WSB2: variants seen among roughly 807,000 people sequenced by gnomAD.
The protein encoded by WSB2 is WD repeat and SOCS box containing 2, also known as WD repeat and SOCS box-containing protein 2.
In WSB2, 12 loss-of-function variants were observed where a neutral mutation model predicts 48.8. The observed-to-expected ratio is 0.25, with a 90% CI of 0.16 to 0.40. The LOEUF (loss-of-function observed/expected upper bound fraction) is 0.40, where lower values mean the gene tolerates loss of function less well. WSB2 is among the 10% of genes least tolerant of loss of function. WSB2 has a pLI of 1.00. For synonymous variants in WSB2, 191 were observed against 203.1 expected (o/e 0.94, Z 0.51); for missense variants, 317 against 506.2 (o/e 0.63, Z 3.59).
intron 2 of WSB2, among the ~76,000 whole-genome samples, chr12:118,048,217 C>T (rs1248886477): frequency 6.6e-6 from 1 of 152,042 alleles, no homozygotes; most frequent in Non-Finnish European, 1.5e-5. Flanking sequence ...GCGTGAGCCA[C>T]CGCACCCGGC....
rs1593460207 is a variant in WSB2 at position 118,034,129 on chromosome 12, T to C, written c.*67A>G. The C allele has an allele frequency of 1.3e-6, 2 of 1,593,450 alleles. No individual in the cohort carries two copies. Among genetic ancestry groups the C allele is most frequent in the Non-Finnish European group, 8.6e-7 (1 of 1,164,324 alleles). The stretch of plus-strand genomic sequence containing the variant: ...ATGCAAGACCAGATGTTTGGCCCAT[T>C]ATTCCAGCAACTCCCTTTGACAGGA... On this transcript the variant is annotated 3_prime_UTR_variant, in exon 9 of 9. Transcript: ENST00000315436.
At position 118,034,244 on chromosome 12, in the gene WSB2, C is replaced by T. The variant is rs759401258; in HGVS notation, c.1167G>A (p.Leu389=). 24 of 1,614,062 alleles carry T rather than the reference C, an allele frequency of 1.5e-5. No homozygotes were observed. The highest frequency in any genetic ancestry group is 2.7e-5 in the African/African-American group (2 of 74,916). Residue 389 remains leucine (L), a synonymous_variant, in exon 9 of 9, where the codon CTG becomes CTA. Transcript: ENST00000315436. The part of the protein sequence containing the change: ...SFLTTYQVLA[L]PIPKKMKEFL... ...ACTCTTTCATTTTCTTGGGGATTGGCAGTGCTAGGACTTGGTAAGTTGTTA... is the reference window on the plus strand; with the variant it reads ...ACTCTTTCATTTTCTTGGGGATTGGTAGTGCTAGGACTTGGTAAGTTGTTA...
intron 6 of WSB2, 23 bp downstream of exon 6, chr12:118,036,315 C>A (rs781758176): frequency 6.2e-7 from 1 of 1,603,958 alleles, no homozygotes; most frequent in Admixed American, 1.7e-5. Flanking sequence ...ACAAAAAAGT[C>A]ATAGCAGGGA....
chr12:118,034,940 A>T (rs756494714), intron 8 of WSB2, 46 bp downstream of exon 8: 1 of 1,574,128 alleles, frequency 6.4e-7, no homozygotes, highest in South Asian at 1.1e-5. Context: ...TCCATGGTAT[A>T]CTCAGCAGAA....
Position 118,034,122 on chromosome 12 carries a change from G to T in WSB2, c.*74C>A. The T allele has an allele frequency of 6.4e-7, 1 of 1,570,768 alleles. No homozygotes were observed. Among genetic ancestry groups the T allele is most frequent in the Non-Finnish European group, 8.7e-7 (1 of 1,145,398 alleles). On this transcript the variant is annotated 3_prime_UTR_variant, in exon 9 of 9. Coordinates refer to ENST00000315436, the MANE Select transcript of WSB2 (RefSeq NM_018639.5). ...TATTTCAATGCAAGACCAGATGTTT[G>T]GCCCATTATTCCAGCAACTCCCTTT...
intron 2 of WSB2, among the ~76,000 whole-genome samples, chr12:118,050,511 C>G (rs551881564): frequency 6.6e-6 from 1 of 151,816 alleles, no homozygotes; most frequent in Non-Finnish European, 1.5e-5. Context: ...CATGGTGGCG[C>G]GCCTGTAGTA....
chr12:118,058,141 G>A (rs1222141927), intron 1 of WSB2, among the ~76,000 whole-genome samples: 1 of 152,034 alleles, frequency 6.6e-6, no homozygotes, highest in Non-Finnish European at 1.5e-5. Flanking sequence ...AAAGCAGTTA[G>A]CCTTAACACA....
intron 2 of WSB2, among the ~76,000 whole-genome samples, chr12:118,043,888 A>ACTTTG (rs1201817146): frequency 2.0e-5 from 3 of 151,974 alleles, no homozygotes; most frequent in Non-Finnish European, 4.4e-5. Flanking sequence ...AGGCTAAGGC[A>ACTTTG]GGTGGATCGC....
chr12:118,035,283 T>C lies in WSB2; in HGVS notation c.875A>G (p.His292Arg). ...VDPAMDDSDV[H>R]ISSLRSVCFS... ...GCACACAGATCTCAGTGAGCTAATG[T>C]GGACGTCACTGTCATCCATGGCGGG... The change falls in exon 7 of 9, where the codon CAC becomes CGC. Residue 292 changes from histidine to arginine, a missense_variant. Coordinates refer to ENST00000315436, the MANE Select transcript of WSB2 (RefSeq NM_018639.5). The C allele has an allele frequency of 6.2e-7, 1 of 1,614,228 alleles. No homozygotes were observed.
intron 1 of WSB2, among the ~76,000 whole-genome samples, chr12:118,052,777 A>G (rs2031879326): frequency 6.6e-6 from 1 of 152,190 alleles, no homozygotes; most frequent in East Asian, 1.9e-4. Context: ...AAGTGGAGAG[A>G]CAGCCAGACC....
At position 118,052,615 on chromosome 12, in the gene WSB2, G is replaced by A; in HGVS notation, c.14-137C>T. 4 of 1,357,040 alleles carry A rather than the reference G, an allele frequency of 2.9e-6. No individual in the cohort carries two copies. In the South Asian group the frequency reaches 4.0e-5, roughly 14 times the overall value. The allele number at this position is 1,357,040 out of a possible 1,614,324, so 84.1% of individuals were successfully genotyped here. A position where few individuals can be genotyped will look rare whatever the true frequency, so the allele number is the denominator to read the frequency against. ...AGGGAGTTGTCACTTAAATGACCCA[G>A]GGCAATAACAGCAGCCACAGGCCAC... is the stretch of plus-strand genomic sequence containing the variant. On this transcript the variant is annotated intron_variant, in intron 1 of 8. Coordinates refer to ENST00000315436, the MANE Select transcript of WSB2 (RefSeq NM_018639.5).
At chr12:118,041,593 G>C (rs1369152432) in intron 4 of WSB2, among the ~76,000 whole-genome samples, 2 of 151,836 alleles carry the variant, frequency 1.3e-5, no homozygotes, top group African/African-American at 2.4e-5. Context: ...GGGACAAGTG[G>C]CCTCTTCATG....
chr12:118,047,383 T>C (rs1434069661), intron 2 of WSB2, among the ~76,000 whole-genome samples: 1 of 152,044 alleles, frequency 6.6e-6, no homozygotes, highest in East Asian at 1.9e-4. Flanking sequence ...GACAGATTCA[T>C]TGGCAGAATT....
At chr12:118,049,298 G>A (rs543623589) in intron 2 of WSB2, among the ~76,000 whole-genome samples, 16 of 152,130 alleles carry the variant, frequency 1.1e-4, no homozygotes, top group East Asian at 5.8e-4. Context: ...TAAAATTTTC[G>A]TAACCATCCT....
chr12:118,053,383 GA>G (rs1176719496), intron 1 of WSB2, among the ~76,000 whole-genome samples: 3 of 152,048 alleles, frequency 2.0e-5, no homozygotes, highest in Admixed American at 2.0e-4. Context: ...AAGAAAGAAA[GA>G]AAAAAGTAAT....
At chr12:118,061,541 G>T (rs2032066897), upstream of WSB2, among the ~76,000 whole-genome samples, 2 of 151,058 alleles carry the variant, frequency 1.3e-5, no homozygotes, top group Admixed American at 1.3e-4. Flanking sequence ...AAAGGGGAGC[G>T]ATAGAAACCG....
chr12:118,055,015 TAAAAAA>T (rs11426565), intron 1 of WSB2, among the ~76,000 whole-genome samples: 1 of 135,254 alleles, frequency 7.4e-6, no homozygotes, highest in East Asian at 2.1e-4. Flanking sequence ...TCCATCTCTT[TAAAAAA>T]AAAAAAAAAG....
chr12:118,052,867 C>G (rs1307839061), intron 1 of WSB2, among the ~76,000 whole-genome samples: 2 of 152,188 alleles, frequency 1.3e-5, no homozygotes, highest in Non-Finnish European at 2.9e-5. Context: ...TCAGAAGAAC[C>G]TGCTGCTGTC....
At chr12:118,061,832 G>A (rs1281987571), upstream of WSB2, among the ~76,000 whole-genome samples, 1 of 148,888 alleles carries the variant, frequency 6.7e-6, no homozygotes, top group Non-Finnish European at 1.5e-5. Flanking sequence ...CCTGGGGAGA[G>A]CTGGGCTTAG....
Sources: allele counts gnomAD v4.1 joint callset (sites outside exome capture counted in the v4.1 genomes callset), GRCh38; gene constraint gnomAD v4.1.1; transcripts MANE v1.5; gene names NCBI Gene and HGNC (gene_info 2026-07-23, HGNC 2026-07-21).